Variants in SUGCT observed in about 807,000 individuals in gnomAD.
SUGCT encodes succinyl-CoA:glutarate-CoA transferase.
A neutral mutation model predicts 55.0 loss-of-function variants in SUGCT; 41 were observed. The ratio of observed to expected loss-of-function variants is 0.74; its 90% confidence interval spans 0.58 to 0.97. The LOEUF (loss-of-function observed/expected upper bound fraction) is 0.97. SUGCT is among the 50% of genes least tolerant of loss of function. SUGCT has a pLI of 0.00. For synonymous variants in SUGCT, 187 were observed against 200.4 expected, an observed-to-expected ratio of 0.93 and a Z score of 0.56; for missense variants, 568 against 547.8, an observed-to-expected ratio of 1.04 and a Z score of -0.37.
intron 12 of SUGCT, among the ~76,000 whole-genome samples, chr7:40,559,677 A>C (rs929061726): frequency 8.5e-5 from 13 of 152,340 alleles, no homozygotes; most frequent in Middle Eastern, 3.4e-3. Flanking sequence ...CTTATACATT[A>C]CTATCTTAAA....
At chr7:40,815,908 C>T (rs987541567) in intron 13 of SUGCT, among the ~76,000 whole-genome samples, 2 of 152,148 alleles carry the variant, frequency 1.3e-5, no homozygotes, top group Non-Finnish European at 2.9e-5. Context: ...GCTCAGGCTG[C>T]GAAACCACAC....
At chr7:40,436,389 G>A (rs1319474972) in intron 9 of SUGCT, among the ~76,000 whole-genome samples, 1 of 152,166 alleles carries the variant, frequency 6.6e-6, no homozygotes, top group East Asian at 1.9e-4. Flanking sequence ...GTCTCACTAT[G>A]TATACTCTGT....
chr7:40,934,278 AG>A, the SUGCT span, among the ~76,000 whole-genome samples: 1 of 152,340 alleles, frequency 6.6e-6, no homozygotes, highest in East Asian at 1.9e-4. Flanking sequence ...GCTGCAGAAC[AG>A]CAAATATTGC....
the SUGCT span, among the ~76,000 whole-genome samples, chr7:40,898,228 A>G: frequency 6.6e-6 from 1 of 152,028 alleles, no homozygotes; most frequent in South Asian, 2.1e-4. Flanking sequence ...CTCACTGCAA[A>G]GGTTTCCAGC....
intron 6 of SUGCT, among the ~76,000 whole-genome samples, chr7:40,212,219 A>G (rs1562580868): frequency 1.3e-5 from 2 of 151,762 alleles, no homozygotes; most frequent in African/African-American, 4.8e-5. Flanking sequence ...CAAGTTTGTC[A>G]ATTCTAAAGA....
At chr7:40,977,264 T>C in the SUGCT span, among the ~76,000 whole-genome samples, 1 of 152,134 alleles carries the variant, frequency 6.6e-6, no homozygotes, top group African/African-American at 2.4e-5. Context: ...TAATAGCAAA[T>C]GCAATAGACC....
chr7:40,360,225 G>C (rs1050184467), intron 9 of SUGCT, among the ~76,000 whole-genome samples: 3 of 152,190 alleles, frequency 2.0e-5, no homozygotes, highest in African/African-American at 7.2e-5. Context: ...TGTTGCCCAG[G>C]CTGGTCTAGA....
At chr7:40,883,550 A>G in the SUGCT span, among the ~76,000 whole-genome samples, 1 of 152,320 alleles carries the variant, frequency 6.6e-6, no homozygotes, top group Non-Finnish European at 1.5e-5. Context: ...GGCATAATAT[A>G]GCTATTTATC....
At chr7:40,741,137 G>A (rs1787438229) in intron 12 of SUGCT, among the ~76,000 whole-genome samples, 2 of 151,940 alleles carry the variant, frequency 1.3e-5, no homozygotes, top group South Asian at 4.2e-4. Context: ...AATTAGCCGA[G>A]TGTGGTGGCA....
intron 12 of SUGCT, among the ~76,000 whole-genome samples, chr7:40,707,932 A>G (rs1023946953): frequency 6.6e-6 from 1 of 152,252 alleles, no homozygotes; most frequent in Non-Finnish European, 1.5e-5. Flanking sequence ...TTAGCAATGA[A>G]TAGGAGCTTT....
intron 12 of SUGCT, among the ~76,000 whole-genome samples, chr7:40,548,371 A>G (rs952927432): frequency 6.6e-6 from 1 of 151,886 alleles, no homozygotes; most frequent in African/African-American, 2.4e-5. Flanking sequence ...TAAAATTTTT[A>G]ACGGTTTTTG....
At chr7:40,701,159 T>C in intron 12 of SUGCT, among the ~76,000 whole-genome samples, 1 of 152,206 alleles carries the variant, frequency 6.6e-6, no homozygotes, top group East Asian at 1.9e-4. Flanking sequence ...AAACGTTTGT[T>C]GGGCTTCGTC....
chr7:40,687,029 C>T (rs1562946376), intron 12 of SUGCT, among the ~76,000 whole-genome samples: 1 of 152,134 alleles, frequency 6.6e-6, no homozygotes, highest in Admixed American at 6.6e-5. Context: ...GCCCTCACCC[C>T]CAACCCACAA....
chr7:40,210,569 T>C (rs890862684), intron 6 of SUGCT, among the ~76,000 whole-genome samples: 1 of 152,098 alleles, frequency 6.6e-6, no homozygotes, highest in Non-Finnish European at 1.5e-5. Flanking sequence ...AAAATTTTCT[T>C]TTCAATTCTC....
intron 13 of SUGCT, among the ~76,000 whole-genome samples, chr7:40,782,170 T>C (rs957962718): frequency 6.6e-6 from 1 of 152,040 alleles, no homozygotes; most frequent in African/African-American, 2.4e-5. Flanking sequence ...ATTAATAGAA[T>C]ATTTTTTTCT....
At chr7:40,393,050 C>T (rs1179334471) in intron 9 of SUGCT, among the ~76,000 whole-genome samples, 1 of 152,110 alleles carries the variant, frequency 6.6e-6, no homozygotes, top group African/African-American at 2.4e-5. Flanking sequence ...AGAAATTGAC[C>T]ATATGAGTCT....
At chr7:40,137,183 G>A (rs915751549) in intron 1 of SUGCT, among the ~76,000 whole-genome samples, 1 of 152,058 alleles carries the variant, frequency 6.6e-6, no homozygotes, top group East Asian at 1.9e-4. Context: ...GCTGGAGTGC[G>A]GTGGTGAGAT....
At chr7:40,886,682 T>G in the SUGCT span, among the ~76,000 whole-genome samples, 1 of 152,202 alleles carries the variant, frequency 6.6e-6, no homozygotes, top group Non-Finnish European at 1.5e-5. Context: ...GTGGTCATTC[T>G]CCTAGGCCTG....
At chr7:40,530,022 C>T (rs371897521) in intron 12 of SUGCT, among the ~76,000 whole-genome samples, 3 of 152,114 alleles carry the variant, frequency 2.0e-5, no homozygotes. Flanking sequence ...TTGCTCACCT[C>T]TTTCCAATTT....
Sources: allele counts gnomAD v4.1 joint callset (sites outside exome capture counted in the v4.1 genomes callset), GRCh38; gene constraint gnomAD v4.1.1; transcripts MANE v1.5; gene names NCBI Gene and HGNC (gene_info 2026-07-23, HGNC 2026-07-21).